TTC23L: variants seen among roughly 807,000 people sequenced by gnomAD.
TTC23L encodes the protein tetratricopeptide repeat protein 23-like.
In TTC23L, 42 loss-of-function variants were observed where a neutral mutation model predicts 48.1. That is an observed-to-expected ratio of 0.87 (90% CI 0.68 to 1.13). The LOEUF (loss-of-function observed/expected upper bound fraction) is 1.13. Ranked by LOEUF, TTC23L falls within the 50% of genes most tolerant of loss-of-function variation. The pLI is 0.00. For missense variants in TTC23L, 391 were observed against 421.0 expected, an observed-to-expected ratio of 0.93 and a Z score of 0.62; for synonymous variants, 159 against 157.2, an observed-to-expected ratio of 1.01 and a Z score of -0.09.
chr5:34,916,701 C>G, the TTC23L span: 2 of 152,224 alleles, frequency 1.3e-5, no homozygotes, highest in African/African-American at 2.4e-5. Context: ...GTCCTCCGCA[C>G]TTAGCATAGT....
the TTC23L span, chr5:34,916,625 C>G: frequency 5.9e-5 from 9 of 152,232 alleles, no homozygotes; most frequent in African/African-American, 2.2e-4. Flanking sequence ...TTTCATTCAA[C>G]TAAGAACTCT....
At chr5:34,888,627 C>A in intron 9 of TTC23L, 2 of 591,948 alleles carry the variant, frequency 3.4e-6, no homozygotes, top group Non-Finnish European at 4.2e-6. Flanking sequence ...AGGGGTGATT[C>A]ACTTCTATCA....
chr5:34,904,345 C>T (rs1005694683), downstream of TTC23L, among the ~76,000 whole-genome samples: 10 of 151,086 alleles, frequency 6.6e-5, no homozygotes, highest in African/African-American at 2.2e-4. Flanking sequence ...CCTGTAATCC[C>T]AGCACTTTGG....
At chr5:34,878,693 CAG>C (rs1258899261) in intron 8 of TTC23L, among the ~76,000 whole-genome samples, 1 of 152,106 alleles carries the variant, frequency 6.6e-6, no homozygotes, top group Non-Finnish European at 1.5e-5. Context: ...AAAACAAAAA[CAG>C]ATGTTGGTGA....
At chr5:34,843,949 CAA>C (rs1027599563) in intron 2 of TTC23L, among the ~76,000 whole-genome samples, 2 of 151,906 alleles carry the variant, frequency 1.3e-5, no homozygotes, top group African/African-American at 4.8e-5. Flanking sequence ...AGAAACAAAC[CAA>C]AGAAACAACA....
At chr5:34,880,296 T>C in exon 9 of TTC23L, 1 of 1,610,144 alleles carries the variant, frequency 6.2e-7, no homozygotes, top group Non-Finnish European at 8.5e-7. Context: ...TTGTCCAAAA[T>C]GGAGAAAAAC....
At chr5:34,853,057 C>T (rs338296) in intron 4 of TTC23L, among the ~76,000 whole-genome samples, 72,225 of 151,988 alleles carry the variant, frequency 0.48, 18,075 homozygotes, top group African/African-American at 0.62. Context: ...TTATGGGAGC[C>T]ACAATTCCTG....
chr5:34,846,707 G>GTGTGTGTGTGTGTGTA lies in TTC23L; in HGVS notation c.255+1035_255+1036insGTGTGTGTGTGTGTAT, dbSNP rs59410522. On this transcript the variant is annotated intron_variant, in intron 3 of 10. Transcript: ENST00000505624. ...TGTGTGTGTGTGTGTGTGTGTGTGTGTATCCATCCTGGAAGGTTTCAGGAT... is the reference window on the plus strand; with the variant it reads ...TGTGTGTGTGTGTGTGTGTGTGTGTGTGTGTGTGTGTGTGTATATCCATCCTGGAAGGTTTCAGGAT... 3.4e-3 allele frequency among the ~76,000 whole-genome samples: 446 copies of GTGTGTGTGTGTGTGTA among 129,708 alleles called. 13 individuals carry two copies. Among genetic ancestry groups the GTGTGTGTGTGTGTGTA allele is most frequent in the African/African-American group, 0.013 (407 of 32,498 alleles). 85.1% of individuals were successfully genotyped at this position (129,708 alleles called of 152,430 possible). A position where few individuals can be genotyped will look rare whatever the true frequency, so the allele number is the denominator to read the frequency against.
At chr5:34,840,941 G>A (rs1055211309) in intron 2 of TTC23L, among the ~76,000 whole-genome samples, 2 of 152,072 alleles carry the variant, frequency 1.3e-5, no homozygotes, top group African/African-American at 2.4e-5. Flanking sequence ...CCAGCTACTC[G>A]GGAGGCTGAG....
chr5:34,902,341 G>T, downstream of TTC23L: 2 of 281,082 alleles, frequency 7.1e-6, no homozygotes, highest in South Asian at 6.5e-5. Context: ...ACTTGAACCT[G>T]GGAGGTGGAG....
chr5:34,922,443 G>A, the TTC23L span: 258 of 928,534 alleles, frequency 2.8e-4, no homozygotes, highest in African/African-American at 4.0e-3. Flanking sequence ...AAAATTAAAT[G>A]TATAAATATT....
At chr5:34,862,389 T>G (rs1047425666) in intron 4 of TTC23L, among the ~76,000 whole-genome samples, 1 of 152,218 alleles carries the variant, frequency 6.6e-6, no homozygotes, top group South Asian at 2.1e-4. Context: ...GAACACTCAA[T>G]GCACAGCATT....
chr5:34,924,942 A>G, the TTC23L span: 6 of 1,613,538 alleles, frequency 3.7e-6, no homozygotes, highest in Non-Finnish European at 5.1e-6. Flanking sequence ...GACCAACTTT[A>G]TATGAAAATC....
chr5:34,915,505 G>T, the TTC23L span: 1 of 463,640 alleles, frequency 2.2e-6, no homozygotes, highest in Non-Finnish European at 3.8e-6. Flanking sequence ...CGGAGGAAGT[G>T]AAGCCAGTCC....
At chr5:34,898,320 A>G (rs1014677893) in intron 10 of TTC23L, among the ~76,000 whole-genome samples, 27 of 152,178 alleles carry the variant, frequency 1.8e-4, no homozygotes, top group Non-Finnish European at 1.5e-4. Flanking sequence ...ACATCTCGAA[A>G]AAGATATAGA....
chr5:34,908,924 G>A, the TTC23L span: 1 of 1,607,478 alleles, frequency 6.2e-7, no homozygotes. Context: ...CCTTTGTAGA[G>A]GGTTTCAGTA....
chr5:34,911,493 T>C, the TTC23L span: 40 of 1,552,890 alleles, frequency 2.6e-5, no homozygotes, highest in Non-Finnish European at 3.4e-5. Flanking sequence ...CCTAAGCAAA[T>C]GTCTAAGTGG....
intron 9 of TTC23L, 141 bp from the exon 10 acceptor site, chr5:34,896,629 A>G: frequency 2.9e-6 from 2 of 697,804 alleles, no homozygotes; most frequent in Non-Finnish European, 5.3e-6. Flanking sequence ...ACAACATTCT[A>G]GTGTAAGAGA....
chr5:34,914,718 C>T, the TTC23L span: 23 of 1,614,094 alleles, frequency 1.4e-5, no homozygotes, highest in Middle Eastern at 3.3e-4. Context: ...TTTGCTTGCA[C>T]ACACTTTGCA....
Sources: gnomAD v4.1 joint callset for allele counts (sites outside exome capture counted in the v4.1 genomes callset) on GRCh38, gnomAD v4.1.1 for gene constraint, MANE v1.5 for transcripts, NCBI Gene and HGNC (gene_info 2026-07-23, HGNC 2026-07-21) for gene names.